The following EMX1 variants were observed in gnomAD, a reference collection of about 807,000 sequenced individuals.
EMX1 encodes the protein empty spiracles homeobox 1.
Under a neutral mutation model 20.1 loss-of-function variants are expected in EMX1, and 10 were observed. That is an observed-to-expected ratio of 0.50 (90% CI 0.31 to 0.84). The LOEUF is 0.84. Ranked by LOEUF, EMX1 falls within the 40% of genes least tolerant of loss-of-function variation. The pLI is 0.05. For synonymous variants in EMX1, 250 were observed against 200.4 expected (o/e 1.25, Z -2.09); for missense variants, 424 against 431.9 (o/e 0.98, Z 0.16).
intron 1 of EMX1, among the ~76,000 whole-genome samples, chr2:72,919,202 C>CACACAG (rs1458096432): frequency 6.6e-6 from 1 of 151,994 alleles, no homozygotes; most frequent in Non-Finnish European, 1.5e-5. Context: ...CACACACACA[C>CACACAG]ACACACACAC....
upstream of EMX1, chr2:72,917,054 G>C: frequency 1.5e-6 from 1 of 663,082 alleles, no homozygotes; most frequent in Non-Finnish European, 2.8e-6. Context: ...GGCCCAGGAG[G>C]CCGATGGTGG....
At chr2:72,917,283 C>T (rs1204142230), upstream of EMX1, among the ~76,000 whole-genome samples, 1 of 81,728 alleles carries the variant, frequency 1.2e-5, no homozygotes, top group East Asian at 3.5e-4. Flanking sequence ...TCGGCTCCCG[C>T]GTGGGTTGAG....
In EMX1 at chr2:72,918,307, A is replaced by G. The variant is rs777957840; in HGVS notation, c.455A>G (p.His152Arg). 1.3e-6 allele frequency: 2 copies of G among 1,570,110 alleles called. No homozygotes were observed. Among genetic ancestry groups the G allele is most frequent in the Non-Finnish European group, 1.7e-6 (2 of 1,169,338 alleles). Residue 152 changes from histidine (H) to arginine (R), a missense_variant, in exon 1 of 3, where the codon CAC (histidine) becomes CGC (arginine). Physicochemically the swap from His to Arg is conservative, Grantham distance 29 (BLOSUM62 0). This residue lies in a region of EMX1 where 333 missense variants were observed against 296.6 expected (regional missense o/e 1.12). Coordinates refer to ENST00000258106, the MANE Select transcript of EMX1 (RefSeq NM_004097.3). ...QPPHSFFGAQ[H>R]RDPLHFYPWV... ...CCGCACTCCTTCTTCGGCGCCCAGC[A>G]CCGGGACCCTCTCCATTTCTACCCC...
intron 1 of EMX1, among the ~76,000 whole-genome samples, chr2:72,921,600 G>T (rs1221658928): frequency 2.0e-5 from 3 of 152,168 alleles, no homozygotes; most frequent in Non-Finnish European, 4.4e-5. Context: ...CTTTCTAACA[G>T]GGAAACGTCC....
intron 2 of EMX1, among the ~76,000 whole-genome samples, chr2:72,924,802 C>T (rs1671166835): frequency 6.6e-6 from 1 of 152,202 alleles, no homozygotes; most frequent in Non-Finnish European, 1.5e-5. Flanking sequence ...CTGGAGGAAG[C>T]GGGTCGCCTC....
At chr2:72,925,650 A>G (rs1471272287) in intron 2 of EMX1, 1 of 1,167,578 alleles carries the variant, frequency 8.6e-7, no homozygotes, top group Admixed American at 3.4e-5. Context: ...AGTCCCGGGC[A>G]GTGAGAAGAT....
intron 2 of EMX1, among the ~76,000 whole-genome samples, chr2:72,927,289 A>G (rs1671221233): frequency 6.6e-6 from 1 of 152,206 alleles, no homozygotes; most frequent in Non-Finnish European, 1.5e-5. Context: ...CAGTATATTC[A>G]TATGTCTGGT....
intron 1 of EMX1, among the ~76,000 whole-genome samples, chr2:72,919,010 T>C (rs1671050469): frequency 6.6e-6 from 1 of 152,224 alleles, no homozygotes; most frequent in African/African-American, 2.4e-5. Context: ...CAAACTGGCT[T>C]CCGCCGTTGC....
rs892000433 is a variant in EMX1, at chr2:72,930,582, C to T, written c.706-3205C>T. On this transcript the variant is annotated intron_variant, in intron 2 of 2. Transcript: ENST00000258106. The surrounding 1 kb of genome is among the most constrained non-coding windows in gnomAD (Gnocchi z 4.4). ...CTAACATTCCAACTGTACCTCGGGGCTTAGAGAGAGGTGAGTAGTGTGTTT... is the reference window on the plus strand; with the variant it reads ...CTAACATTCCAACTGTACCTCGGGGTTTAGAGAGAGGTGAGTAGTGTGTTT... Among the ~76,000 whole-genome samples, 4 of 152,102 alleles carry T rather than the reference C, an allele frequency of 2.6e-5. No individual in the cohort carries two copies. The highest frequency in any genetic ancestry group is 9.7e-5 in the African/African-American group (4 of 41,410).
intron 2 of EMX1, among the ~76,000 whole-genome samples, chr2:72,924,695 C>T (rs1671164925): frequency 6.6e-6 from 1 of 152,226 alleles, no homozygotes. Context: ...GCCCGCAGGA[C>T]TTTTGTCAAG....
rs1203860848 is a variant in EMX1, at chr2:72,934,747, G to C, written c.*793G>C. On this transcript the variant is annotated 3_prime_UTR_variant, in exon 3 of 3. Coordinates refer to ENST00000258106, the MANE Select transcript of EMX1 (RefSeq NM_004097.3). ...AGGGGAGGATTGGGGTCTGGGGGAG[G>C]GAACACCATTCACAAAGGCTGACGG... The C allele has an allele frequency of 6.6e-6, 1 of 152,138 alleles. No homozygotes were observed. The highest frequency in any genetic ancestry group is 1.5e-5 in the Non-Finnish European group (1 of 68,050). The allele number at this position is 152,138 out of a possible 1,614,324, so 9.4% of individuals were successfully genotyped here. A position where few individuals can be genotyped will look rare whatever the true frequency, so the allele number is the denominator to read the frequency against.
chr2:72,924,478 C>A lies in EMX1; in HGVS notation c.690C>A (p.Ser230Arg). 6.3e-7 allele frequency: 1 copy of A among 1,590,338 alleles called. No homozygotes were observed. The highest frequency in any genetic ancestry group is 8.5e-7 in the Non-Finnish European group (1 of 1,172,804). ...AERKQLAGSL[S>R]LSETQVKVWF... The stretch of plus-strand genomic sequence containing the variant: ...GGAAGCAGCTGGCCGGCAGTCTCAG[C>A]CTCTCCGAGACGCAGGTAATCACCC... Residue 230 changes from serine to arginine, a missense_variant, in exon 2 of 3, where the codon AGC becomes AGA. Around this residue, in one of 2 missense-constraint regions of EMX1, gnomAD observed 91 missense variants for 135.2 expected, o/e 0.67. Coordinates refer to ENST00000258106, the MANE Select transcript of EMX1 (RefSeq NM_004097.3).
chr2:72,928,939 C>T (rs1465240448), intron 2 of EMX1, among the ~76,000 whole-genome samples: 1 of 152,022 alleles, frequency 6.6e-6, no homozygotes, highest in East Asian at 1.9e-4. Context: ...GAAGATAGAG[C>T]CACCATCTTG....
intron 2 of EMX1, chr2:72,933,472 T>G: frequency 3.0e-6 from 1 of 335,580 alleles, no homozygotes; most frequent in Non-Finnish European, 5.5e-6. Flanking sequence ...CCTGCACTCC[T>G]CCACCTTGGC....
At chr2:72,919,988 C>T (rs974069833) in intron 1 of EMX1, among the ~76,000 whole-genome samples, 9 of 152,184 alleles carry the variant, frequency 5.9e-5, no homozygotes, top group African/African-American at 1.9e-4. Context: ...CGCGGGCCGC[C>T]GCGGCCGAGG....
At chr2:72,924,073 G>T in intron 1 of EMX1, 1 of 606,526 alleles carries the variant, frequency 1.6e-6, no homozygotes, top group Non-Finnish European at 3.0e-6. Flanking sequence ...GTTATTCCCC[G>T]CGTTCCCCCG....
At chr2:72,916,555 T>G, upstream of EMX1, 1 of 612,398 alleles carries the variant, frequency 1.6e-6, no homozygotes, top group Non-Finnish European at 2.9e-6. Context: ...CCCCGGGGAA[T>G]TCGTCCGCCG....
intron 2 of EMX1, among the ~76,000 whole-genome samples, chr2:72,924,938 CT>C (rs1175524757): frequency 6.6e-6 from 1 of 152,266 alleles, no homozygotes; most frequent in African/African-American, 2.4e-5. Flanking sequence ...TCCGCACTGG[CT>C]TTGCTGCTGT....
intron 1 of EMX1, among the ~76,000 whole-genome samples, chr2:72,918,894 A>T (rs1448995591): frequency 6.6e-6 from 1 of 152,176 alleles, no homozygotes; most frequent in Admixed American, 6.5e-5. Context: ...GTTAATGTTC[A>T]GTGTGGAGGG....
Sources: gnomAD v4.1 joint callset for allele counts (sites outside exome capture counted in the v4.1 genomes callset) on GRCh38, gnomAD v4.1.1 for gene constraint, gnomAD v4.1.1 regional missense constraint, Gnocchi (gnomAD v3.1) non-coding constraint, MANE v1.5 for transcripts, NCBI Gene and HGNC (gene_info 2026-07-23, HGNC 2026-07-21) for gene names.